The following GCC1 variants were observed in gnomAD, a reference collection of about 807,000 sequenced individuals.
GCC1 encodes GRIP and coiled-coil domain containing 1.
GCC1 carries 36 observed loss-of-function variants against 62.5 expected under a neutral mutation model. The ratio of observed to expected loss-of-function variants is 0.58; its 90% CI spans 0.44 to 0.76. The LOEUF (loss-of-function observed/expected upper bound fraction) is 0.76. GCC1 is among the 30% of genes least tolerant of loss of function. The pLI is 0.00. For synonymous variants in GCC1, 391 were observed against 386.8 expected, an observed-to-expected ratio of 1.01 and a Z score of -0.13; for missense variants, 885 against 948.3, an observed-to-expected ratio of 0.93 and a Z score of 0.88.
Position 127,585,389 on chromosome 7 carries a change from G to C in GCC1, c.-207C>G. On this transcript the variant is annotated 5_prime_UTR_variant, in exon 1 of 2. Transcript: ENST00000321407. ...CCCGGTCCCAGGCCCGGAGGGCTGG[G>C]GCGGATTCTACCCCGGAGGCGGGGC... is the stretch of plus-strand genomic sequence containing the variant. 1 of 577,188 alleles carries C rather than the reference G, an allele frequency of 1.7e-6. No individual in the cohort carries two copies. 35.8% of individuals were successfully genotyped at this position (577,188 alleles called of 1,614,324 possible). A position where few individuals can be genotyped will look rare whatever the true frequency, so the allele number is the denominator to read the frequency against.
rs746401983 is a variant in GCC1, at chr7:127,584,594, A to G, written c.589T>C (p.Leu197=). ...LADKKKMKQD[L]EDASNKAEEE... Reference sequence around the variant, plus strand: ...TCCGCCTTGTTACTGGCATCCTCTAAGTCCTGTTTCATCTTTTTCTTGTCA... The same window carrying G: ...TCCGCCTTGTTACTGGCATCCTCTAGGTCCTGTTTCATCTTTTTCTTGTCA... Residue 197 remains leucine (L), a synonymous_variant, in exon 1 of 2, where the codon TTA becomes CTA. Coordinates refer to ENST00000321407, the MANE Select transcript of GCC1 (RefSeq NM_024523.6). The G allele has an allele frequency of 3.7e-6, 6 of 1,613,876 alleles. No individual in the cohort carries two copies. In the South Asian group the frequency reaches 6.6e-5, roughly 18 times the overall value.
At position 127,582,185 on chromosome 7, in the gene GCC1, A is replaced by G; in HGVS notation, c.2157T>C (p.Asn719=). Residue 719 remains asparagine, a synonymous_variant, in exon 2 of 2, where the codon AAT becomes AAC. Transcript: ENST00000321407. The surrounding 1 kb of genome is among the most constrained non-coding windows in gnomAD (Gnocchi z 4.8). ...AGATGATGTTTTTGAGGTACTCCAGATTGGCTCCCTCCCTGCTCTGGTCCC... is the reference window on the plus strand; with the variant it reads ...AGATGATGTTTTTGAGGTACTCCAGGTTGGCTCCCTCCCTGCTCTGGTCCC... ...NIRDQSREGA[N]LEYLKNIIYR... is the part of the protein sequence containing the mutation. 2 of 1,614,120 alleles carry G rather than the reference A, an allele frequency of 1.2e-6. No homozygotes were observed. Among genetic ancestry groups the G allele is most frequent in the South Asian group, 1.1e-5 (1 of 91,082 alleles).
Position 127,582,200 on chromosome 7 carries a change from G to A in GCC1, c.2142C>T (p.Ser714=), listed in dbSNP as rs755237786. The change falls in exon 2 of 2, where the codon AGC becomes AGT. Residue 714 remains serine (S), a synonymous_variant. Coordinates refer to ENST00000321407, the MANE Select transcript of GCC1 (RefSeq NM_024523.6). This position sits in a 1 kb window ranked among gnomAD's most constrained non-coding sequence, Gnocchi z 4.8. ...SHIEKNIRDQ[S]REGANLEYLK... is the part of the protein sequence containing the mutation. ...GGTACTCCAGATTGGCTCCCTCCCTGCTCTGGTCCCTGATGTTCTTTTCGA... is the reference window on the plus strand; with the variant it reads ...GGTACTCCAGATTGGCTCCCTCCCTACTCTGGTCCCTGATGTTCTTTTCGA... The A allele has an allele frequency of 3.1e-6, 5 of 1,614,196 alleles. No individual in the cohort carries two copies. In the Admixed American group the frequency reaches 8.3e-5, roughly 27 times the overall value.
rs118047541 is a variant in GCC1 at position 127,582,126 on chromosome 7, C to T, written c.2216G>A (p.Arg739His). ...RFLTLPDSLG[R>H]QQTLTAILTI... ...CAGTATGGCTGTGAGAGTCTGCTGG[C>T]GGCCCAGGGAGTCAGGTAAGGTCAG... The change falls in exon 2 of 2, where the codon CGC (arginine) becomes CAC (histidine). Residue 739 changes from arginine (R) to histidine (H), a missense_variant. By Grantham distance (29) the Arg-to-His change is conservative. Transcript: ENST00000321407. This position sits in a 1 kb window ranked among gnomAD's most constrained non-coding sequence, Gnocchi z 4.8. 4 of 1,614,140 alleles carry T rather than the reference C, an allele frequency of 2.5e-6. No individual in the cohort carries two copies. Among genetic ancestry groups the T allele is most frequent in the African/African-American group, 2.7e-5 (2 of 75,016 alleles).
At position 127,584,024 on chromosome 7, in the gene GCC1, A is replaced by C. The variant is rs987556739; in HGVS notation, c.1032+127T>G. On this transcript the variant is annotated intron_variant, in intron 1 of 1. Transcript: ENST00000321407. ...CAGGACTTCCCAGGTTCACTAGTGG[A>C]ACTTCTCAGGTGGCATCAAAAATGA... 4 of 787,130 alleles carry C rather than the reference A, an allele frequency of 5.1e-6. No individual in the cohort carries two copies. In the African/African-American group the frequency reaches 7.0e-5, roughly 14 times the overall value. 48.8% of individuals were successfully genotyped at this position (787,130 alleles called of 1,614,324 possible). A position where few individuals can be genotyped will look rare whatever the true frequency, so the allele number is the denominator to read the frequency against.
rs775434358 is a variant in GCC1 at position 127,582,425 on chromosome 7, C to T, written c.1917G>A (p.Leu639=). ...DPADTSSSDS[L]TQALQLAAAN... Reference sequence around the variant, plus strand: ...CCGCTGCAAGTTGTAATGCTTGGGTCAGGCTATCAGAGGATGATGTGTCAG... The same window carrying T: ...CCGCTGCAAGTTGTAATGCTTGGGTTAGGCTATCAGAGGATGATGTGTCAG... The change falls in exon 2 of 2, where the codon CTG becomes CTA. Residue 639 remains leucine, a synonymous_variant. Transcript: ENST00000321407. The surrounding 1 kb of genome is among the most constrained non-coding windows in gnomAD (Gnocchi z 4.8). 1.9e-6 allele frequency: 3 copies of T among 1,614,148 alleles called. No individual in the cohort carries two copies. The South Asian group carries it at 3.3e-5, about 18-fold the overall frequency.
Position 127,585,237 on chromosome 7 carries a change from C to T in GCC1, c.-55G>A. ...GCTTTCCAGCAGAACGGGAGAGGGC[C>T]GTGAAGACGCAGGCGGGGGCTTAAA... On this transcript the variant is annotated 5_prime_UTR_variant, in exon 1 of 2. Coordinates refer to ENST00000321407, the MANE Select transcript of GCC1 (RefSeq NM_024523.6). 1.3e-6 allele frequency: 2 copies of T among 1,485,728 alleles called. No individual in the cohort carries two copies. The highest frequency in any genetic ancestry group is 2.2e-5 in the Admixed American group (1 of 45,108). 92.0% of individuals were successfully genotyped at this position (1,485,728 alleles called of 1,614,324 possible).
chr7:127,583,511 A>G (rs1794163887), intron 1 of GCC1, among the ~76,000 whole-genome samples: 3 of 152,260 alleles, frequency 2.0e-5, no homozygotes, highest in Middle Eastern at 3.4e-3. Flanking sequence ...TATACTGAAC[A>G]ATATGAAGCA....
In GCC1 at chr7:127,583,102, T is replaced by C; in HGVS notation, c.1240A>G (p.Ser414Gly). Residue 414 changes from serine to glycine, a missense_variant, in exon 2 of 2, where the codon AGC (serine) becomes GGC (glycine). Transcript: ENST00000321407. ...CCATGGCTGTCTAAAGGGGACCTGC[T>C]GGAGGCTGCTAGAGCCAGTGTCTTG... is the stretch of plus-strand genomic sequence containing the variant. ...ENKTLALAAS[S>G]RSPLDSHGEE... The C allele has an allele frequency of 6.2e-7, 1 of 1,614,170 alleles. No individual in the cohort carries two copies. Among genetic ancestry groups the C allele is most frequent in the Non-Finnish European group, 8.5e-7 (1 of 1,180,034 alleles).
rs199528674 is a variant in GCC1, at chr7:127,583,007, A to G, written c.1335T>C (p.Val445=). Residue 445 remains valine, a synonymous_variant, in exon 2 of 2, where the codon GTT becomes GTC. Transcript: ENST00000321407. ...KMEKLKRLLQ[V]AARKSQVTLD... ...GGGTCACCTGGCTTTTCCTGGCCGCAACCTGCAGCAGCCTCTTCAGCTTCT... is the reference window on the plus strand; with the variant it reads ...GGGTCACCTGGCTTTTCCTGGCCGCGACCTGCAGCAGCCTCTTCAGCTTCT... The G allele has an allele frequency of 2.5e-6, 4 of 1,614,128 alleles. No individual in the cohort carries two copies. In the East Asian group the frequency reaches 8.9e-5, roughly 36 times the overall value.
In GCC1 at chr7:127,585,017, T is replaced by C. The variant is rs1562952628; in HGVS notation, c.166A>G (p.Ile56Val). The change falls in exon 1 of 2, where the codon ATC becomes GTC. Residue 56 changes from isoleucine (I) to valine (V), a missense_variant. By Grantham distance (29) the Ile-to-Val change is conservative. Coordinates refer to ENST00000321407, the MANE Select transcript of GCC1 (RefSeq NM_024523.6). The part of the protein sequence containing the change: ...LKEKEALEAS[I>V]KVLSVSHEAD... ...TCGTGGGATACCGACAGCACCTTGA[T>C]GCTGGCCTCTAATGCCTCTTTCTCC... 6.2e-7 allele frequency: 1 copy of C among 1,614,128 alleles called. No homozygotes were observed. Among genetic ancestry groups the C allele is most frequent in the African/African-American group, 1.3e-5 (1 of 74,954 alleles).
Position 127,581,785 on chromosome 7 carries a change from G to A in GCC1, c.*229C>T. 2 of 554,760 alleles carry A rather than the reference G, an allele frequency of 3.6e-6. No individual in the cohort carries two copies. The highest frequency in any genetic ancestry group is 6.4e-6 in the Non-Finnish European group (2 of 311,790). The allele number at this position is 554,760 out of a possible 1,614,324, so 34.4% of individuals were successfully genotyped here. A position where few individuals can be genotyped will look rare whatever the true frequency, so the allele number is the denominator to read the frequency against. On this transcript the variant is annotated 3_prime_UTR_variant, in exon 2 of 2. Transcript: ENST00000321407. Reference sequence around the variant, plus strand: ...TCCTAACCTCATCTTCTCCTCACATGCACACCATCAGAAGATACTGCCCCA... The same window carrying A: ...TCCTAACCTCATCTTCTCCTCACATACACACCATCAGAAGATACTGCCCCA...
chr7:127,584,918 T>C lies in GCC1; in HGVS notation c.265A>G (p.Thr89Ala). The C allele has an allele frequency of 6.2e-7, 1 of 1,614,008 alleles. No homozygotes were observed. The highest frequency in any genetic ancestry group is 8.5e-7 in the Non-Finnish European group (1 of 1,180,006). ...GTCCCAGTGCTATCCTCGCTGTGAG[T>C]GGAGCACCGGTCATCCACAGAGTCA... ...FPDSVDDRCS[T>A]HSEDSTGTAT... The change falls in exon 1 of 2, where the codon ACT becomes GCT. Residue 89 changes from threonine (T) to alanine (A), a missense_variant. Coordinates refer to ENST00000321407, the MANE Select transcript of GCC1 (RefSeq NM_024523.6).
chr7:127,585,301 C>G lies in GCC1; in HGVS notation c.-119G>C. 1 of 917,568 alleles carries G rather than the reference C, an allele frequency of 1.1e-6. No individual in the cohort carries two copies. The highest frequency in any genetic ancestry group is 1.7e-5 in the African/African-American group (1 of 60,036). 56.8% of individuals were successfully genotyped at this position (917,568 alleles called of 1,614,324 possible). A position where few individuals can be genotyped will look rare whatever the true frequency, so the allele number is the denominator to read the frequency against. ...GGCTGTCCGGCGGCGGGCCGCACAC[C>G]TACTCCACCTAGTTATCCCGGACCT... On this transcript the variant is annotated 5_prime_UTR_variant, in exon 1 of 2. Coordinates refer to ENST00000321407, the MANE Select transcript of GCC1 (RefSeq NM_024523.6).
Position 127,585,292 on chromosome 7 carries a change from GCCGCACACCTACT to G in GCC1, c.-123_-111del. The G allele has an allele frequency of 9.8e-7, 1 of 1,019,192 alleles. No individual in the cohort carries two copies. Among genetic ancestry groups the G allele is most frequent in the Non-Finnish European group, 1.4e-6 (1 of 703,650 alleles). 63.1% of individuals were successfully genotyped at this position (1,019,192 alleles called of 1,614,324 possible). ...CAGCGAGCGGGCTGTCCGGCGGCGG[GCCGCACACCTACT>G]CCACCTAGTTATCCCGGACCTAATG... On this transcript the variant is annotated 5_prime_UTR_variant, in exon 1 of 2. Coordinates refer to ENST00000321407, the MANE Select transcript of GCC1 (RefSeq NM_024523.6).
rs1289718491 is a variant in GCC1 at position 127,584,527 on chromosome 7, T to C, written c.656A>G (p.Gln219Arg). The C allele has an allele frequency of 1.2e-6, 2 of 1,614,014 alleles. No individual in the cohort carries two copies. Among genetic ancestry groups the C allele is most frequent in the Non-Finnish European group, 8.5e-7 (1 of 1,180,030 alleles). ...ARLEGELKGL[Q>R]EQIAETKARL... is the part of the protein sequence containing the mutation. ...GGCTTTGGTTTCTGCTATTTGCTCC[T>C]GCAGCCCCTTCAATTCTCCCTCCAG... Residue 219 changes from glutamine to arginine, a missense_variant, in exon 1 of 2, where the codon CAG (glutamine) becomes CGG (arginine). Transcript: ENST00000321407.
Position 127,582,119 on chromosome 7 carries a change from C to T in GCC1, c.2223G>A (p.Gln741=). The T allele has an allele frequency of 2.5e-6, 4 of 1,614,178 alleles. No homozygotes were observed. The highest frequency in any genetic ancestry group is 3.4e-6 in the Non-Finnish European group (4 of 1,180,030). ...AGATAGTCAGTATGGCTGTGAGAGTCTGCTGGCGGCCCAGGGAGTCAGGTA... is the reference window on the plus strand; with the variant it reads ...AGATAGTCAGTATGGCTGTGAGAGTTTGCTGGCGGCCCAGGGAGTCAGGTA... ...LTLPDSLGRQ[Q]TLTAILTILH... is the part of the protein sequence containing the mutation. Residue 741 remains glutamine, a synonymous_variant, in exon 2 of 2, where the codon CAG becomes CAA. Coordinates refer to ENST00000321407, the MANE Select transcript of GCC1 (RefSeq NM_024523.6). The surrounding 1 kb of genome is among the most constrained non-coding windows in gnomAD (Gnocchi z 4.8).
In GCC1 at chr7:127,582,581, C is replaced by A. The variant is rs1484666602; in HGVS notation, c.1761G>T (p.Lys587Asn). 2 of 1,612,022 alleles carry A rather than the reference C, an allele frequency of 1.2e-6. No homozygotes were observed. Among genetic ancestry groups the A allele is most frequent in the Non-Finnish European group, 1.7e-6 (2 of 1,179,994 alleles). ...GCACAGCTAGGGCACGATCCCGCTG[C>A]TTGTGCAGCTCCTCCTCCAGTTTCA... is the stretch of plus-strand genomic sequence containing the variant. ...RTLKLEEELH[K>N]QRDRALAVLT... is the part of the protein sequence containing the mutation. Residue 587 changes from lysine (K) to asparagine (N), a missense_variant, in exon 2 of 2, where the codon AAG becomes AAT. By Grantham distance (94) the Lys-to-Asn change is moderately conservative (BLOSUM62 0). Coordinates refer to ENST00000321407, the MANE Select transcript of GCC1 (RefSeq NM_024523.6). This position sits in a 1 kb window ranked among gnomAD's most constrained non-coding sequence, Gnocchi z 4.8.
Position 127,582,535 on chromosome 7 carries a change from G to T in GCC1, c.1807C>A (p.Leu603Met). Residue 603 changes from leucine to methionine, a missense_variant, in exon 2 of 2, where the codon CTG (leucine) becomes ATG (methionine). Physicochemically the swap from Leu to Met is conservative, Grantham distance 15. Transcript: ENST00000321407. This position sits in a 1 kb window ranked among gnomAD's most constrained non-coding sequence, Gnocchi z 4.8. ...LAVLTEKDLE[L>M]EQLRSVALAS... ...AAGGCCACAGAACGCAGTTGCTCCA[G>T]TTCCAAGTCCTTCTCGGTGAGCACA... The T allele has an allele frequency of 1.2e-6, 2 of 1,612,114 alleles. No homozygotes were observed. The highest frequency in any genetic ancestry group is 1.7e-6 in the Non-Finnish European group (2 of 1,180,036).
Sources: gnomAD v4.1 joint callset for allele counts (sites outside exome capture counted in the v4.1 genomes callset) on GRCh38, gnomAD v4.1.1 for gene constraint, Gnocchi (gnomAD v3.1) non-coding constraint, MANE v1.5 for transcripts, NCBI Gene and HGNC (gene_info 2026-07-23, HGNC 2026-07-21) for gene names.